The following LAMA2 variants were observed in gnomAD, a reference collection of about 807,000 sequenced individuals.
LAMA2 encodes laminin subunit alpha 2.
A neutral mutation model predicts 364.8 loss-of-function variants in LAMA2; 269 were observed. The ratio of observed to expected loss-of-function variants is 0.74; its 90% CI spans 0.67 to 0.82. LAMA2 has a LOEUF of 0.82. LAMA2 is among the 40% of genes least tolerant of loss of function. LAMA2 has a pLI of 0.00. For synonymous variants in LAMA2, 1,379 were observed against 1,370.6 expected (o/e 1.01, Z -0.14); for missense variants, 3,807 against 3,873.2 (o/e 0.98, Z 0.45).
intron 63 of LAMA2, 85 bp from the exon 64 acceptor site, chr6:129,514,288 A>C: frequency 2.0e-6 from 2 of 995,060 alleles, no homozygotes; most frequent in Non-Finnish European, 3.2e-6. Context: ...TGTCTTTCCT[A>C]GAGACCTGAT....
chr6:129,305,942 A>G (rs1462783960), intron 22 of LAMA2, among the ~76,000 whole-genome samples: 1 of 151,924 alleles, frequency 6.6e-6, no homozygotes, highest in Non-Finnish European at 1.5e-5. Context: ...AGGAATATAC[A>G]TCTTTAACTT....
At position 129,165,676 on chromosome 6, in the gene LAMA2, G is replaced by T. The variant is rs2114993363; in HGVS notation, c.1306+1G>T. On this transcript the variant is annotated splice_donor_variant, in intron 9 of 64. Transcript: ENST00000421865. LOFTEE classifies it high-confidence loss of function. Reference sequence around the variant, plus strand: ...AAGGATGAGAAACATGCTCGACGAGGTGAGAGCTGCAGCAGAATGTCACTG... The same window carrying T: ...AAGGATGAGAAACATGCTCGACGAGTTGAGAGCTGCAGCAGAATGTCACTG... 1 of 1,585,536 alleles carries T rather than the reference G, an allele frequency of 6.3e-7. No homozygotes were observed. The highest frequency in any genetic ancestry group is 8.7e-7 in the Non-Finnish European group (1 of 1,154,762).
chr6:129,406,718 T>C (rs549991744), intron 40 of LAMA2, among the ~76,000 whole-genome samples: 87 of 152,198 alleles, frequency 5.7e-4, no homozygotes, highest in African/African-American at 2.0e-3. Context: ...ATTTTTAAAA[T>C]TGATGAATGT....
In LAMA2 at chr6:129,280,146, A is replaced by G. The variant is rs1174732728; in HGVS notation, c.2536A>G (p.Arg846Gly). The change falls in exon 18 of 65, where the codon AGG becomes GGG. Residue 846 changes from arginine to glycine, a missense_variant and splice_region_variant. Arg to Gly is a moderately radical substitution (Grantham distance 125). Transcript: ENST00000421865. ...PVGYTGPRCE[R>G]CAEGYFGQPS... ...CGGGTACACAGGACCACGCTGTGAG[A>G]GGTAAGAGTATACTACACTGTCTTG... 1.3e-6 allele frequency: 2 copies of G among 1,589,356 alleles called. No homozygotes were observed. Among genetic ancestry groups the G allele is most frequent in the Non-Finnish European group, 1.7e-6 (2 of 1,157,700 alleles).
chr6:129,203,353 A>G (rs935691358), intron 12 of LAMA2, among the ~76,000 whole-genome samples: 1 of 152,224 alleles, frequency 6.6e-6, no homozygotes, highest in Non-Finnish European at 1.5e-5. Context: ...CTACGTGCAT[A>G]TGGGGCAACC....
At chr6:129,420,181 C>G (rs920354356) in intron 40 of LAMA2, among the ~76,000 whole-genome samples, 1 of 151,974 alleles carries the variant, frequency 6.6e-6, no homozygotes, top group African/African-American at 2.4e-5. Flanking sequence ...TGTTTCATAA[C>G]TTACTATGGG....
intron 7 of LAMA2, 102 bp from the exon 8 acceptor site, chr6:129,154,403 G>T: frequency 1.9e-6 from 2 of 1,040,872 alleles, no homozygotes; most frequent in Non-Finnish European, 2.9e-6. Flanking sequence ...GACAGAGTGA[G>T]ACTCTGTCTC....
intron 17 of LAMA2, among the ~76,000 whole-genome samples, chr6:129,274,369 T>C (rs966419371): frequency 1.3e-5 from 2 of 151,910 alleles, no homozygotes; most frequent in Non-Finnish European, 2.9e-5. Flanking sequence ...AATTGAATAT[T>C]TGCATACAAT....
At chr6:129,070,528 A>G (rs1365969428) in intron 3 of LAMA2, among the ~76,000 whole-genome samples, 2 of 149,824 alleles carry the variant, frequency 1.3e-5, no homozygotes, top group East Asian at 3.9e-4. Flanking sequence ...GTGCATTGAA[A>G]CTCTTTTGTA....
In LAMA2 at chr6:129,404,096, C is replaced by A. The variant is rs1780123001; in HGVS notation, c.5865+137C>A. ...TTTTGAAGACCTCTTTTAAAATTTG[C>A]CTAAAATAAATTCTCGGTATGCTAT... On this transcript the variant is annotated intron_variant, in intron 40 of 64. Coordinates refer to ENST00000421865, the MANE Select transcript of LAMA2 (RefSeq NM_000426.4). The A allele has an allele frequency of 2.3e-5, 22 of 939,848 alleles. 2 individuals are homozygous for A. The South Asian group carries it at 3.2e-4, about 14-fold the overall frequency. 58.2% of individuals were successfully genotyped at this position (939,848 alleles called of 1,614,324 possible). A position where few individuals can be genotyped will look rare whatever the true frequency, so the allele number is the denominator to read the frequency against.
At chr6:129,212,423 C>G (rs1783161584) in intron 12 of LAMA2, among the ~76,000 whole-genome samples, 1 of 152,064 alleles carries the variant, frequency 6.6e-6, no homozygotes, top group South Asian at 2.1e-4. Context: ...AGTCTCTTTT[C>G]CTCTTAAACC....
intron 3 of LAMA2, among the ~76,000 whole-genome samples, chr6:129,096,673 G>A (rs1253492754): frequency 6.6e-6 from 1 of 152,192 alleles, no homozygotes; most frequent in Non-Finnish European, 1.5e-5. Context: ...TCTCAGGGGA[G>A]AGGAGGCATT....
chr6:129,116,531 A>T (rs1346648033), intron 4 of LAMA2, among the ~76,000 whole-genome samples: 1 of 152,132 alleles, frequency 6.6e-6, no homozygotes, highest in Non-Finnish European at 1.5e-5. Flanking sequence ...GGATATGTAT[A>T]GAACCAAGAT....
intron 1 of LAMA2, among the ~76,000 whole-genome samples, chr6:129,022,674 T>A (rs1450104731): frequency 6.6e-6 from 1 of 152,190 alleles, no homozygotes; most frequent in Admixed American, 6.5e-5. Flanking sequence ...AAGCTTTTTC[T>A]AACATAACTC....
At chr6:129,072,911 A>G (rs1014002861) in intron 3 of LAMA2, among the ~76,000 whole-genome samples, 4 of 152,118 alleles carry the variant, frequency 2.6e-5, no homozygotes, top group Admixed American at 1.3e-4. Flanking sequence ...TGCAGTTTTC[A>G]TCTAATTTTA....
intron 56 of LAMA2, among the ~76,000 whole-genome samples, chr6:129,491,440 G>A (rs2784907): frequency 6.6e-6 from 1 of 151,994 alleles, no homozygotes; most frequent in Non-Finnish European, 1.5e-5. Flanking sequence ...CTTTATAAAA[G>A]GTGCTTTAAG....
At chr6:129,011,662 T>G (rs1185367995) in intron 1 of LAMA2, among the ~76,000 whole-genome samples, 1 of 152,220 alleles carries the variant, frequency 6.6e-6, no homozygotes, top group Non-Finnish European at 1.5e-5. Flanking sequence ...TTCCAGAGAT[T>G]ACTCTTAAAA....
intron 3 of LAMA2, among the ~76,000 whole-genome samples, 160 bp downstream of exon 3, chr6:129,060,056 G>GT (rs1788790738): frequency 6.6e-6 from 1 of 152,100 alleles, no homozygotes; most frequent in Admixed American, 6.6e-5. Flanking sequence ...ATAGCGTATT[G>GT]TTATTTACGA....
At chr6:128,893,086 TG>T (rs1417243322) in intron 1 of LAMA2, among the ~76,000 whole-genome samples, 1 of 151,968 alleles carries the variant, frequency 6.6e-6, no homozygotes, top group Non-Finnish European at 1.5e-5. Context: ...GATTTGTAAT[TG>T]GAATTCCAAA....
Sources: gnomAD v4.1 joint callset for allele counts (sites outside exome capture counted in the v4.1 genomes callset) on GRCh38, gnomAD v4.1.1 for gene constraint, MANE v1.5 for transcripts, NCBI Gene and HGNC (gene_info 2026-07-23, HGNC 2026-07-21) for gene names.